The following EPB41L5 variants were observed in gnomAD, a reference collection of about 807,000 sequenced individuals.
The protein encoded by EPB41L5 is erythrocyte membrane protein band 4.1 like 5, also known as band 4.1-like protein 5.
A neutral mutation model predicts 106.6 loss-of-function variants in EPB41L5; 55 were observed. That is an observed-to-expected ratio of 0.52 (90% confidence interval 0.42 to 0.65). The LOEUF is 0.65. EPB41L5 is among the 30% of genes least tolerant of loss of function. The probability of loss-of-function intolerance (pLI) is 0.00; values close to 1 mark genes in which losing one functional copy is unlikely to be tolerated. For synonymous variants in EPB41L5, 297 were observed against 306.7 expected (o/e 0.97, Z 0.33); for missense variants, 871 against 882.1 (o/e 0.99, Z 0.16).
At chr2:120,069,096 C>G (rs1681666350) in intron 3 of EPB41L5, among the ~76,000 whole-genome samples, 1 of 139,974 alleles carries the variant, frequency 7.1e-6, no homozygotes, top group Non-Finnish European at 1.5e-5. Flanking sequence ...CCATTGCACT[C>G]CAGCCTGGGC....
At chr2:120,105,922 G>A (rs1684428231) in intron 16 of EPB41L5, 2 of 985,224 alleles carry the variant, frequency 2.0e-6, no homozygotes, top group African/African-American at 3.5e-5. Flanking sequence ...ATTAAAAAAA[G>A]TACTGTTTCT....
At chr2:120,128,019 T>A in intron 17 of EPB41L5, 168 bp downstream of exon 17, 1 of 495,926 alleles carries the variant, frequency 2.0e-6, no homozygotes, top group Non-Finnish European at 3.4e-6. Context: ...CACTGAAATA[T>A]TTAAGATAAC....
At chr2:120,026,846 G>T (rs1016516055) in intron 2 of EPB41L5, among the ~76,000 whole-genome samples, 1 of 152,162 alleles carries the variant, frequency 6.6e-6, no homozygotes, top group African/African-American at 2.4e-5. Flanking sequence ...TATCTGATAA[G>T]GAACTTGTAT....
chr2:120,104,610 A>C, intron 16 of EPB41L5: 1 of 991,364 alleles, frequency 1.0e-6, no homozygotes, highest in Non-Finnish European at 1.2e-6. Flanking sequence ...ATCGAGGTTA[A>C]AAGAATCAGA....
intron 10 of EPB41L5, among the ~76,000 whole-genome samples, chr2:120,084,531 G>A (rs1181913638): frequency 6.6e-6 from 1 of 152,108 alleles, no homozygotes. Flanking sequence ...TGGGTAACCC[G>A]ACCTTTCTCT....
At chr2:120,159,423 CAAAAAAAAA>C (rs36001495) in intron 20 of EPB41L5, among the ~76,000 whole-genome samples, 1 of 95,220 alleles carries the variant, frequency 1.1e-5, no homozygotes, top group Admixed American at 1.1e-4. Context: ...GACTCCATCT[CAAAAAAAAA>C]AAAAAAAAAA....
chr2:120,095,148 CTA>C (rs1247496989), intron 14 of EPB41L5, among the ~76,000 whole-genome samples: 1 of 152,032 alleles, frequency 6.6e-6, no homozygotes, highest in African/African-American at 2.4e-5. Flanking sequence ...CAACTATTGT[CTA>C]TTTCTTCCTT....
At chr2:120,101,236 C>T (rs912924032) in intron 16 of EPB41L5, among the ~76,000 whole-genome samples, 1 of 151,968 alleles carries the variant, frequency 6.6e-6, no homozygotes, top group Admixed American at 6.6e-5. Flanking sequence ...TCATTAAAGA[C>T]GAAGGGTAAA....
chr2:120,147,679 T>C (rs904500051), intron 20 of EPB41L5, among the ~76,000 whole-genome samples: 1 of 142,800 alleles, frequency 7.0e-6, no homozygotes, highest in Middle Eastern at 3.5e-3. Flanking sequence ...CTGTTAGTAA[T>C]AACATTTTTA....
chr2:120,147,026 A>G (rs1036874610), intron 20 of EPB41L5, among the ~76,000 whole-genome samples: 1 of 152,206 alleles, frequency 6.6e-6, no homozygotes, highest in Non-Finnish European at 1.5e-5. Flanking sequence ...TGATCAGGGT[A>G]AAGCTAGAAT....
intron 16 of EPB41L5, among the ~76,000 whole-genome samples, chr2:120,127,293 C>G (rs950837436): frequency 2.0e-5 from 3 of 152,054 alleles, no homozygotes; most frequent in Non-Finnish European, 4.4e-5. Context: ...AAAACTTTTC[C>G]ATGAATCTTA....
At chr2:120,124,044 G>A (rs933757227) in intron 16 of EPB41L5, among the ~76,000 whole-genome samples, 1 of 152,184 alleles carries the variant, frequency 6.6e-6, no homozygotes, top group Non-Finnish European at 1.5e-5. Flanking sequence ...GAAAGGGGGC[G>A]AAGACTTACT....
At chr2:120,032,966 G>A (rs1678813946) in intron 2 of EPB41L5, among the ~76,000 whole-genome samples, 1 of 152,226 alleles carries the variant, frequency 6.6e-6, no homozygotes, top group East Asian at 1.9e-4. Flanking sequence ...TGTCAAAAAT[G>A]TTTTTTTCCT....
At chr2:120,079,582 C>G (rs1682499755) in intron 10 of EPB41L5, among the ~76,000 whole-genome samples, 1 of 152,168 alleles carries the variant, frequency 6.6e-6, no homozygotes, top group Non-Finnish European at 1.5e-5. Flanking sequence ...CAACCCTTTC[C>G]AAACACTGCT....
chr2:120,083,550 A>C (rs1198764208), intron 10 of EPB41L5, among the ~76,000 whole-genome samples: 1 of 152,018 alleles, frequency 6.6e-6, no homozygotes, highest in Non-Finnish European at 1.5e-5. Context: ...GAATAAGTGC[A>C]ATGTGGTGCT....
chr2:120,167,408 G>A, intron 22 of EPB41L5, 58 bp from the exon 23 acceptor site: 1 of 1,383,676 alleles, frequency 7.2e-7, no homozygotes, highest in East Asian at 2.3e-5. Context: ...AGTATTATAA[G>A]TATGAAAATA....
intron 7 of EPB41L5, among the ~76,000 whole-genome samples, chr2:120,076,397 A>AC (rs1483183069): frequency 6.6e-6 from 1 of 150,694 alleles, no homozygotes; most frequent in Non-Finnish European, 1.5e-5. Context: ...GAAGCCTTGA[A>AC]CTACTGGGCT....
chr2:120,016,282 T>C (rs1263318356), intron 1 of EPB41L5, among the ~76,000 whole-genome samples: 1 of 152,016 alleles, frequency 6.6e-6, no homozygotes, highest in African/African-American at 2.4e-5. Flanking sequence ...GCACAAAAAT[T>C]AGCTGGGCGT....
intron 18 of EPB41L5, among the ~76,000 whole-genome samples, chr2:120,141,964 C>G (rs999600703): frequency 6.6e-6 from 1 of 151,968 alleles, no homozygotes; most frequent in Non-Finnish European, 1.5e-5. Flanking sequence ...CAGGCTAAGA[C>G]TAAAAATTAC....
Sources: gnomAD v4.1 joint callset for allele counts (sites outside exome capture counted in the v4.1 genomes callset) on GRCh38, gnomAD v4.1.1 for gene constraint, MANE v1.5 for transcripts, NCBI Gene and HGNC (gene_info 2026-07-23, HGNC 2026-07-21) for gene names.